Variants in CNTNAP2 observed in about 807,000 individuals in gnomAD.
CNTNAP2 encodes the protein contactin associated protein 2.
In CNTNAP2, 98 loss-of-function variants were observed where a neutral mutation model predicts 155.2. That is an observed-to-expected ratio of 0.63 (90% CI 0.54 to 0.75). The LOEUF is 0.75. CNTNAP2 is among the 30% of genes least tolerant of loss of function. CNTNAP2 has a pLI of 0.00. For missense variants in CNTNAP2, 1,727 were observed against 1,688.1 expected (o/e 1.02, Z -0.40); for synonymous variants, 651 against 631.2 (o/e 1.03, Z -0.47).
intron 10 of CNTNAP2, among the ~76,000 whole-genome samples, chr7:147,463,654 C>G (rs545133884): frequency 2.6e-5 from 4 of 152,266 alleles, no homozygotes; most frequent in African/African-American, 9.6e-5. Flanking sequence ...CTTTTCTTCA[C>G]TTTTTGGCAA....
chr7:147,388,431 T>C (rs1218198780), intron 9 of CNTNAP2, among the ~76,000 whole-genome samples: 1 of 152,188 alleles, frequency 6.6e-6, no homozygotes, highest in East Asian at 1.9e-4. Flanking sequence ...GTAGGCTGTC[T>C]TCAGTGGATG....
chr7:148,050,027 G>A (rs1171570209), intron 15 of CNTNAP2, among the ~76,000 whole-genome samples: 4 of 152,110 alleles, frequency 2.6e-5, no homozygotes, highest in East Asian at 3.9e-4. Flanking sequence ...GCCAGGCATA[G>A]TGGTTCACCC....
chr7:146,571,670 G>C (rs983245694), intron 1 of CNTNAP2, among the ~76,000 whole-genome samples: 1 of 151,800 alleles, frequency 6.6e-6, no homozygotes, highest in Admixed American at 6.6e-5. Context: ...ATTCTACATC[G>C]AGTTCTGCAG....
chr7:147,278,127 CAAAAAAA>C lies in CNTNAP2; in HGVS notation c.1349-22003_1349-21997del, dbSNP rs58102021. ...AGCTCAGGAAGGGGTGGAAACCATG[CAAAAAAA>C]AAAAAAAAAATAGCCTCCTACACTT... is the stretch of plus-strand genomic sequence containing the variant. On this transcript the variant is annotated intron_variant, in intron 8 of 23. Transcript: ENST00000361727. Among the ~76,000 whole-genome samples the C allele has an allele frequency of 4.3e-5, 6 of 138,548 alleles. No homozygotes were observed. In the East Asian group the frequency reaches 1.0e-3, roughly 24 times the overall value. The allele number at this position is 138,548 out of a possible 152,430, so 90.9% of individuals were successfully genotyped here. A position where few individuals can be genotyped will look rare whatever the true frequency, so the allele number is the denominator to read the frequency against.
intron 22 of CNTNAP2, among the ~76,000 whole-genome samples, chr7:148,399,826 C>A (rs1424440314): frequency 2.0e-5 from 3 of 152,160 alleles, no homozygotes; most frequent in Admixed American, 2.0e-4. Context: ...GGACAAGGTT[C>A]TCAGAAGGAA....
chr7:147,602,241 G>A (rs937449321), intron 12 of CNTNAP2, among the ~76,000 whole-genome samples: 7 of 151,850 alleles, frequency 4.6e-5, no homozygotes, highest in Non-Finnish European at 7.4e-5. Flanking sequence ...AGGAATTATA[G>A]GACAAGTGTT....
intron 1 of CNTNAP2, chr7:146,195,078 CTT>C (rs1798756571): frequency 6.6e-6 from 1 of 152,172 alleles, no homozygotes; most frequent in Admixed American, 6.5e-5. Context: ...AATTCTCCAG[CTT>C]TGTCATTTTA....
chr7:147,399,118 G>A (rs1796870919), intron 10 of CNTNAP2, among the ~76,000 whole-genome samples: 1 of 152,092 alleles, frequency 6.6e-6, no homozygotes, highest in Admixed American at 6.6e-5. Context: ...CATGATCCAG[G>A]ATCAGTATGG....
At position 146,947,429 on chromosome 7, in the gene CNTNAP2, T is replaced by TAC. The variant is rs1218965430; in HGVS notation, c.403-96476_403-96475dup. 3.9e-3 allele frequency among the ~76,000 whole-genome samples: 502 copies of TAC among 130,318 alleles called. 3 individuals carry two copies. Among genetic ancestry groups the TAC allele is most frequent in the African/African-American group, 0.013 (469 of 35,434 alleles). The allele number at this position is 130,318 out of a possible 152,430, so 85.5% of individuals were successfully genotyped here. On this transcript the variant is annotated intron_variant, in intron 3 of 23. Transcript: ENST00000361727. The stretch of plus-strand genomic sequence containing the variant: ...CTCTCTCTATATATATATATATATA[T>TAC]ACATACACACACACACACATATATC...
At chr7:146,879,491 T>C (rs1252541606) in intron 3 of CNTNAP2, among the ~76,000 whole-genome samples, 3 of 152,032 alleles carry the variant, frequency 2.0e-5, no homozygotes, top group Admixed American at 1.3e-4. Flanking sequence ...AAATAAAATA[T>C]ATAATATTAA....
intron 1 of CNTNAP2, among the ~76,000 whole-genome samples, chr7:146,536,772 T>A (rs1298125644): frequency 2.0e-5 from 3 of 152,134 alleles, no homozygotes; most frequent in Non-Finnish European, 4.4e-5. Flanking sequence ...CAGGGTCACA[T>A]TCATTAGACG....
At chr7:147,410,564 C>T (rs1401555793) in intron 10 of CNTNAP2, among the ~76,000 whole-genome samples, 3 of 152,062 alleles carry the variant, frequency 2.0e-5, no homozygotes, top group Admixed American at 6.6e-5. Context: ...AAAACAACCA[C>T]AAAGAAATGC....
intron 13 of CNTNAP2, among the ~76,000 whole-genome samples, chr7:147,899,487 C>T (rs565139115): frequency 1.6e-4 from 25 of 152,294 alleles, no homozygotes; most frequent in African/African-American, 6.0e-4. Flanking sequence ...ATCAGCCATA[C>T]AACACCATAT....
chr7:146,821,066 G>T (rs1439187237), intron 2 of CNTNAP2, among the ~76,000 whole-genome samples: 4 of 152,024 alleles, frequency 2.6e-5, no homozygotes, highest in African/African-American at 9.7e-5. Flanking sequence ...GTGTCTGCAC[G>T]TGAGATGGGT....
intron 1 of CNTNAP2, among the ~76,000 whole-genome samples, chr7:146,304,754 G>A (rs899092004): frequency 3.9e-5 from 6 of 151,964 alleles, no homozygotes; most frequent in Admixed American, 2.0e-4. Context: ...GTGTCTTGGA[G>A]TTGCTCTTCT....
chr7:148,263,664 G>A (rs1388286750), intron 20 of CNTNAP2, among the ~76,000 whole-genome samples: 2 of 151,514 alleles, frequency 1.3e-5, no homozygotes, highest in African/African-American at 4.9e-5. Context: ...GTGAACCCGG[G>A]AGGCGGAGCT....
At chr7:146,617,017 T>TTTTGTTTA (rs1799237404) in intron 1 of CNTNAP2, among the ~76,000 whole-genome samples, 1 of 151,274 alleles carries the variant, frequency 6.6e-6, no homozygotes, top group African/African-American at 2.4e-5. Context: ...AACCTGGTTT[T>TTTTGTTTA]TTTGTTTGTT....
At chr7:147,226,553 G>T (rs1266802979) in intron 8 of CNTNAP2, among the ~76,000 whole-genome samples, 1 of 151,816 alleles carries the variant, frequency 6.6e-6, no homozygotes, top group East Asian at 1.9e-4. Flanking sequence ...AAAATCATTA[G>T]AGGAAACTTT....
At chr7:147,652,842 A>G (rs1193368916) in intron 13 of CNTNAP2, among the ~76,000 whole-genome samples, 3 of 152,184 alleles carry the variant, frequency 2.0e-5, no homozygotes, top group African/African-American at 7.2e-5. Context: ...TGAAACATTA[A>G]TATGGGCTTC....
Sources: allele counts gnomAD v4.1 joint callset (sites outside exome capture counted in the v4.1 genomes callset), GRCh38; gene constraint gnomAD v4.1.1; transcripts MANE v1.5; gene names NCBI Gene and HGNC (gene_info 2026-07-23, HGNC 2026-07-21).